PREX1: variants seen among roughly 807,000 people sequenced by gnomAD.
PREX1 encodes the protein phosphatidylinositol 3,4,5-trisphosphate-dependent Rac exchanger 1 protein.
A neutral mutation model predicts 198.3 loss-of-function variants in PREX1; 41 were observed. The observed-to-expected ratio is 0.21, with a 90% CI of 0.16 to 0.27. PREX1 has a LOEUF of 0.27. Among genes scored for constraint, PREX1 ranks in the 10% least tolerant of loss-of-function variants. The pLI, the probability that PREX1 is intolerant of heterozygous loss-of-function variation, is 1.00. For missense variants in PREX1, 1,620 were observed against 2,200.7 expected (o/e 0.74, Z 5.28); for synonymous variants, 843 against 887.2 (o/e 0.95, Z 0.89).
At chr20:48,632,448 C>T in intron 34 of PREX1, 48 bp downstream of exon 34, 1 of 1,613,430 alleles carries the variant, frequency 6.2e-7, no homozygotes, top group Non-Finnish European at 8.5e-7. Context: ...TGCTTGGTGG[C>T]CTTGGCCCGG....
intron 1 of PREX1, among the ~76,000 whole-genome samples, chr20:48,790,097 C>T (rs1021667695): frequency 6.6e-6 from 1 of 152,170 alleles, no homozygotes; most frequent in Non-Finnish European, 1.5e-5. Context: ...CCTTTCCTCG[C>T]TGAGGAACCC....
Position 48,733,338 on chromosome 20 carries a change from T to C in PREX1, c.519+1208A>G, listed in dbSNP as rs144037072. Among the ~76,000 whole-genome samples, 120 of 152,274 alleles carry C rather than the reference T, an allele frequency of 7.9e-4. 1 individual carries two copies. Among genetic ancestry groups the C allele is most frequent in the African/African-American group, 2.8e-3 (115 of 41,554 alleles). On this transcript the variant is annotated intron_variant, in intron 4 of 39. Coordinates refer to ENST00000371941, the MANE Select transcript of PREX1 (RefSeq NM_020820.4). The stretch of plus-strand genomic sequence containing the variant: ...TGTATGGGTAGACCTGACCCCACCT[T>C]CCATCTCCAGAAGTGACCAATCAGA...
chr20:48,739,910 T>C (rs1420195478), intron 3 of PREX1, among the ~76,000 whole-genome samples: 4 of 152,158 alleles, frequency 2.6e-5, no homozygotes, highest in Non-Finnish European at 1.5e-5. Context: ...GTTGTGAAGT[T>C]TTAATGAATG....
intron 1 of PREX1, among the ~76,000 whole-genome samples, chr20:48,765,518 C>T (rs2090204193): frequency 6.6e-6 from 1 of 152,168 alleles, no homozygotes. Flanking sequence ...AGCTGCAACA[C>T]ATATTAAGTG....
intron 1 of PREX1, among the ~76,000 whole-genome samples, chr20:48,775,682 T>C (rs1378420407): frequency 2.0e-5 from 3 of 152,086 alleles, no homozygotes; most frequent in Non-Finnish European, 4.4e-5. Flanking sequence ...GTTCTCGTGA[T>C]AGTGAATAAG....
chr20:48,728,576 C>A (rs556964889), intron 4 of PREX1, among the ~76,000 whole-genome samples: 1 of 152,328 alleles, frequency 6.6e-6, no homozygotes, highest in South Asian at 2.1e-4. Flanking sequence ...AGATGCCGGG[C>A]CCCACGCTGC....
the PREX1 span, among the ~76,000 whole-genome samples, chr20:48,855,710 C>G: frequency 1.3e-5 from 2 of 152,140 alleles, no homozygotes; most frequent in Non-Finnish European, 2.9e-5. Context: ...ACCAGCCTGG[C>G]CAACATGGCG....
chr20:48,650,877 A>G lies in PREX1; in HGVS notation c.2817+17T>C. The G allele has an allele frequency of 1.2e-6, 2 of 1,613,654 alleles. No individual in the cohort carries two copies. The highest frequency in any genetic ancestry group is 1.7e-6 in the Non-Finnish European group (2 of 1,179,818). ...CTGGGACCTGTGGCAGAGACCCCGG[A>G]GGGAGCACGCAGGCACCTCCTGGTA... On this transcript the variant is annotated intron_variant, in intron 23 of 39. Coordinates refer to ENST00000371941, the MANE Select transcript of PREX1 (RefSeq NM_020820.4).
At chr20:48,636,442 C>T (rs771984212) in intron 32 of PREX1, 21 bp downstream of exon 32, 1 of 1,580,656 alleles carries the variant, frequency 6.3e-7, no homozygotes, top group Non-Finnish European at 8.6e-7. Context: ...GCGGGGCCGC[C>T]CTCCCGCCCC....
chr20:48,796,427 G>A (rs2122991585), intron 1 of PREX1, among the ~76,000 whole-genome samples: 1 of 152,102 alleles, frequency 6.6e-6, no homozygotes, highest in East Asian at 1.9e-4. Flanking sequence ...GCAAAATGCA[G>A]AAACGTGTAC....
chr20:48,766,020 C>T (rs759071598), intron 1 of PREX1, among the ~76,000 whole-genome samples: 6 of 152,168 alleles, frequency 3.9e-5, no homozygotes, highest in Non-Finnish European at 8.8e-5. Context: ...ACCCTCCTTA[C>T]GAGAATCTAA....
chr20:48,676,274 GAGA>G lies in PREX1; in HGVS notation c.1590-9_1590-7del. ...TCAGGTGGTAATCACGGTCTCTGTGGAGAAGGTGAGCGCACAGTGAGCAGGGCA... is the reference window on the plus strand; with the variant it reads ...TCAGGTGGTAATCACGGTCTCTGTGGAGGTGAGCGCACAGTGAGCAGGGCA... On this transcript the variant is annotated splice_region_variant and splice_polypyrimidine_tract_variant and intron_variant, in intron 13 of 39. Transcript: ENST00000371941. 6.2e-7 allele frequency: 1 copy of G among 1,613,552 alleles called. No individual in the cohort carries two copies. Among genetic ancestry groups the G allele is most frequent in the Non-Finnish European group, 8.5e-7 (1 of 1,179,638 alleles).
rs77225766 is a variant in PREX1, at chr20:48,712,676, C to T, written c.622-4255G>A. Among the ~76,000 whole-genome samples the T allele has an allele frequency of 2.3e-3, 351 of 152,328 alleles. 4 individuals are homozygous for T. The East Asian group carries it at 0.045, about 19-fold the overall frequency. On this transcript the variant is annotated intron_variant, in intron 5 of 39. Coordinates refer to ENST00000371941, the MANE Select transcript of PREX1 (RefSeq NM_020820.4). Reference sequence around the variant, plus strand: ...TGAAACCAAGCAAGACCTGGCCAGGCCCATAGCTGGACCAAAACCGCAGGG... The same window carrying T: ...TGAAACCAAGCAAGACCTGGCCAGGTCCATAGCTGGACCAAAACCGCAGGG...
At chr20:48,652,758 AG>A (rs755895142) in intron 20 of PREX1, 52 bp from the exon 21 acceptor site, 1 of 1,580,272 alleles carries the variant, frequency 6.3e-7, no homozygotes, top group South Asian at 1.2e-5. Flanking sequence ...GGTAGGGAGG[AG>A]GGGACAGGGC....
chr20:48,832,416 A>G (rs2090539142), upstream of PREX1, among the ~76,000 whole-genome samples: 3 of 152,170 alleles, frequency 2.0e-5, no homozygotes, highest in African/African-American at 7.2e-5. Context: ...GCAAGGAAAA[A>G]CAAGTGATTT....
At chr20:48,639,678 G>C in intron 30 of PREX1, 88 bp downstream of exon 30, 4 of 1,547,030 alleles carry the variant, frequency 2.6e-6, no homozygotes, top group Middle Eastern at 2.3e-4. Flanking sequence ...AGGGGTCACA[G>C]AACTGGATCC....
the PREX1 span, among the ~76,000 whole-genome samples, chr20:48,856,300 TGA>T: frequency 1.3e-5 from 2 of 152,254 alleles, no homozygotes; most frequent in African/African-American, 4.8e-5. Flanking sequence ...GAAATTGCTC[TGA>T]GAGGCTGCAC....
chr20:48,825,307 C>T (rs1051097603), intron 1 of PREX1, among the ~76,000 whole-genome samples: 1 of 152,130 alleles, frequency 6.6e-6, no homozygotes, highest in Non-Finnish European at 1.5e-5. Context: ...AAAGGAAGCC[C>T]GGATTCCCCG....
intron 15 of PREX1, among the ~76,000 whole-genome samples, chr20:48,662,275 A>C (rs2089602836): frequency 6.6e-6 from 1 of 152,184 alleles, no homozygotes; most frequent in African/African-American, 2.4e-5. Context: ...CAGGAGTGGG[A>C]GGAAGAATTG....
Sources: gnomAD v4.1 joint callset for allele counts (sites outside exome capture counted in the v4.1 genomes callset) on GRCh38, gnomAD v4.1.1 for gene constraint, MANE v1.5 for transcripts, NCBI Gene and HGNC (gene_info 2026-07-23, HGNC 2026-07-21) for gene names.